Variants in NTM observed in about 807,000 individuals in gnomAD.
The protein encoded by NTM is neurotrimin.
Under a neutral mutation model 42.1 loss-of-function variants are expected in NTM, and 13 were observed. That is an observed-to-expected ratio of 0.31 (90% CI 0.20 to 0.49). NTM has a LOEUF of 0.49. NTM is among the 20% of genes least tolerant of loss of function. The pLI, the probability that NTM is intolerant of heterozygous loss-of-function variation, is 0.99. For synonymous variants in NTM, 187 were observed against 179.2 expected (o/e 1.04, Z -0.35); for missense variants, 373 against 452.8 (o/e 0.82, Z 1.60).
intron 1 of NTM, among the ~76,000 whole-genome samples, chr11:131,608,746 A>G (rs2061219213): frequency 6.6e-6 from 1 of 150,724 alleles, no homozygotes; most frequent in Non-Finnish European, 1.5e-5. Flanking sequence ...CCCTGTCTCT[A>G]TTGCTCTCTC....
chr11:131,452,152 G>A (rs139568842), intron 1 of NTM, among the ~76,000 whole-genome samples: 2 of 152,336 alleles, frequency 1.3e-5, no homozygotes, highest in African/African-American at 2.4e-5. Context: ...TCACCATCAA[G>A]GACTTCTGAA....
At chr11:132,267,263 T>C (rs903572473) in intron 4 of NTM, among the ~76,000 whole-genome samples, 23 of 152,286 alleles carry the variant, frequency 1.5e-4, no homozygotes, top group African/African-American at 5.3e-4. Flanking sequence ...CAGTGTAATA[T>C]ATTATAGCTG....
intron 1 of NTM, among the ~76,000 whole-genome samples, chr11:131,627,015 C>A (rs188596844): frequency 6.6e-6 from 1 of 152,124 alleles, no homozygotes; most frequent in Admixed American, 6.5e-5. Context: ...GAGGATCTGG[C>A]GTGTTTGACA....
chr11:131,957,649 A>C (rs1201320091), intron 2 of NTM, among the ~76,000 whole-genome samples: 1 of 152,224 alleles, frequency 6.6e-6, no homozygotes, highest in African/African-American at 2.4e-5. Flanking sequence ...GTGTAAGAGC[A>C]TTTTAATTGC....
chr11:132,316,201 TC>T (rs2095425581), intron 7 of NTM, among the ~76,000 whole-genome samples: 1 of 151,772 alleles, frequency 6.6e-6, no homozygotes, highest in South Asian at 2.1e-4. Context: ...ATTGTATACT[TC>T]CCCGGCTTCT....
chr11:132,236,021 C>CACACACATAT (rs71477750), intron 4 of NTM, among the ~76,000 whole-genome samples: 1 of 150,798 alleles, frequency 6.6e-6, no homozygotes, highest in South Asian at 2.1e-4. Context: ...CACACACACA[C>CACACACATAT]AACAAAATTG....
chr11:131,788,866 C>T (rs749568817), intron 1 of NTM, among the ~76,000 whole-genome samples: 3 of 151,108 alleles, frequency 2.0e-5, no homozygotes, highest in Non-Finnish European at 2.9e-5. Context: ...AACACATTCT[C>T]GGGCAATCTC....
chr11:131,884,322 T>A (rs2050021337), intron 1 of NTM, among the ~76,000 whole-genome samples: 1 of 151,956 alleles, frequency 6.6e-6, no homozygotes. Flanking sequence ...GGCAGGAGAA[T>A]CATTTGAACC....
intron 1 of NTM, among the ~76,000 whole-genome samples, chr11:131,890,988 C>A (rs1005349512): frequency 1.3e-5 from 2 of 152,120 alleles, no homozygotes; most frequent in South Asian, 4.1e-4. Flanking sequence ...TCTAGCCTAG[C>A]GAGAGGAGAA....
rs1031607066 is a variant in NTM at position 131,896,172 on chromosome 11, C to G, written c.83-15392C>G. ...TGTGAAATGCCGTACATCTGCTATT[C>G]TTAACTTTTTCTAACATAAAAATCA... is the stretch of plus-strand genomic sequence containing the variant. On this transcript the variant is annotated intron_variant, in intron 1 of 8. Coordinates refer to ENST00000683400, the MANE Select transcript of NTM (RefSeq NM_001352005.2). Among the ~76,000 whole-genome samples the G allele has an allele frequency of 9.2e-5, 14 of 152,280 alleles. No homozygotes were observed. The South Asian group carries it at 1.0e-3, about 11-fold the overall frequency.
chr11:131,919,242 C>T (rs1023106201), intron 2 of NTM, among the ~76,000 whole-genome samples: 5 of 151,942 alleles, frequency 3.3e-5, no homozygotes, highest in Admixed American at 1.3e-4. Flanking sequence ...AATAGAACAT[C>T]GTCCTTGTGT....
intron 3 of NTM, among the ~76,000 whole-genome samples, chr11:132,167,030 T>G (rs1383733413): frequency 2.0e-5 from 3 of 152,326 alleles, no homozygotes; most frequent in South Asian, 4.1e-4. Flanking sequence ...ACTTCCATCA[T>G]GGCATATTTT....
intron 1 of NTM, among the ~76,000 whole-genome samples, chr11:131,483,841 C>T (rs2136249452): frequency 6.6e-6 from 1 of 152,362 alleles, no homozygotes; most frequent in East Asian, 1.9e-4. Flanking sequence ...AATTAAGGTC[C>T]AGGTAGAGGC....
At chr11:131,623,161 T>G (rs888025669) in intron 1 of NTM, among the ~76,000 whole-genome samples, 1 of 152,118 alleles carries the variant, frequency 6.6e-6, no homozygotes, top group African/African-American at 2.4e-5. Flanking sequence ...AGTGGCAGTG[T>G]GGGTGTGAAG....
intron 1 of NTM, among the ~76,000 whole-genome samples, chr11:131,431,004 A>G (rs1462420926): frequency 2.0e-5 from 3 of 152,260 alleles, no homozygotes; most frequent in South Asian, 2.1e-4. Flanking sequence ...GTAGGGAGAT[A>G]TGCTACGGTG....
intron 1 of NTM, among the ~76,000 whole-genome samples, chr11:131,471,477 G>A (rs1009329979): frequency 6.6e-6 from 1 of 152,186 alleles, no homozygotes; most frequent in Non-Finnish European, 1.5e-5. Flanking sequence ...AGTTACATGT[G>A]CTACTGAGGG....
intron 1 of NTM, among the ~76,000 whole-genome samples, chr11:131,376,508 T>C (rs1481474062): frequency 2.6e-5 from 4 of 152,320 alleles, no homozygotes; most frequent in Admixed American, 2.6e-4. Context: ...AGAAGAGCTC[T>C]GTAAGTCATT....
chr11:132,222,661 A>G (rs1320089874), intron 4 of NTM, among the ~76,000 whole-genome samples: 1 of 151,968 alleles, frequency 6.6e-6, no homozygotes, highest in African/African-American at 2.4e-5. Flanking sequence ...TTGCACTAGA[A>G]CCCGGAGTCC....
intron 4 of NTM, among the ~76,000 whole-genome samples, chr11:132,261,946 T>G (rs980713041): frequency 6.6e-6 from 1 of 152,228 alleles, no homozygotes; most frequent in Non-Finnish European, 1.5e-5. Context: ...GCTTGCCCCA[T>G]GGGCATCCAT....
Sources: gnomAD v4.1 joint callset for allele counts (sites outside exome capture counted in the v4.1 genomes callset) on GRCh38, gnomAD v4.1.1 for gene constraint, MANE v1.5 for transcripts, NCBI Gene and HGNC (gene_info 2026-07-23, HGNC 2026-07-21) for gene names.